NOS1: variants seen among roughly 807,000 people sequenced by gnomAD.
NOS1 encodes NOS type I.
Under a neutral mutation model 164.5 loss-of-function variants are expected in NOS1, and 51 were observed. That is an observed-to-expected ratio of 0.31 (90% CI 0.25 to 0.39). NOS1 has a LOEUF of 0.39. Ranked by LOEUF, NOS1 falls within the 10% of genes least tolerant of loss-of-function variation. NOS1 has a pLI of 1.00. For missense variants in NOS1, 1,362 were observed against 1,885.6 expected (o/e 0.72, Z 5.14); for synonymous variants, 719 against 745.8 (o/e 0.96, Z 0.59).
At chr12:117,341,579 GT>G (rs1876114564) in intron 1 of NOS1, among the ~76,000 whole-genome samples, 1 of 152,160 alleles carries the variant, frequency 6.6e-6, no homozygotes, top group Non-Finnish European at 1.5e-5. Context: ...TGGGGCTAAG[GT>G]TCTTAAGTTC....
chr12:117,322,497 C>T (rs1030529556), intron 2 of NOS1, among the ~76,000 whole-genome samples: 2 of 134,584 alleles, frequency 1.5e-5, no homozygotes, highest in African/African-American at 2.8e-5. Context: ...TTCCTCTCTC[C>T]TTCTTCCCTC....
rs1956566695 is a variant in NOS1, at chr12:117,214,026, C to T, written c.*1283G>A. The T allele has an allele frequency of 3.0e-6, 3 of 985,260 alleles. No homozygotes were observed. Among genetic ancestry groups the T allele is most frequent in the South Asian group, 4.7e-5 (1 of 21,280 alleles). The allele number at this position is 985,260 out of a possible 1,614,324, so 61.0% of individuals were successfully genotyped here. A position where few individuals can be genotyped will look rare whatever the true frequency, so the allele number is the denominator to read the frequency against. ...ACAGGTTTAAAACTTTGGAGATCAA[C>T]TGCAGAGGGCAACAAGCCTGAGGGA... is the stretch of plus-strand genomic sequence containing the variant. On this transcript the variant is annotated 3_prime_UTR_variant, in exon 29 of 29. Coordinates refer to ENST00000317775, the MANE Select transcript of NOS1 (RefSeq NM_000620.5).
intron 4 of NOS1, among the ~76,000 whole-genome samples, chr12:117,289,571 G>T (rs1271467833): frequency 1.3e-5 from 2 of 152,208 alleles, no homozygotes; most frequent in Non-Finnish European, 2.9e-5. Flanking sequence ...GTGCAGGTTT[G>T]TTACATATGT....
At position 117,290,386 on chromosome 12, in the gene NOS1, C is replaced by T; in HGVS notation, c.893G>A (p.Ser298Asn). 6.2e-7 allele frequency: 1 copy of T among 1,613,764 alleles called. No homozygotes were observed. Among genetic ancestry groups the T allele is most frequent in the Non-Finnish European group, 8.5e-7 (1 of 1,179,826 alleles). ...SGKQSPTKNG[S>N]PSKCPRFLKV... ...GAGGAAGCGTGGACACTTGGAGGGG[C>T]TGCCATTCTTTGTGGGGGACTGTTT... is the stretch of plus-strand genomic sequence containing the variant. Residue 298 changes from serine (S) to asparagine (N), a missense_variant, in exon 4 of 29, where the codon AGC becomes AAC. Ser to Asn is a conservative substitution (Grantham distance 46). Transcript: ENST00000317775.
chr12:117,240,941 C>CTTTTTT (rs11398507), intron 20 of NOS1, among the ~76,000 whole-genome samples: 2 of 138,976 alleles, frequency 1.4e-5, no homozygotes, highest in East Asian at 2.1e-4. Context: ...TTTTCTTTTT[C>CTTTTTT]TTTTTTTTTT....
chr12:117,359,879 TATATATATATATATATATATA>T (rs1877044409), intron 1 of NOS1, among the ~76,000 whole-genome samples: 5 of 24,092 alleles, frequency 2.1e-4, no homozygotes, highest in East Asian at 1.0e-3. Flanking sequence ...AATGGTTTTA[TATATATATATATATATATATA>T]TATATATATA....
rs113796648 is a variant in NOS1, at chr12:117,259,858, G to A, written c.2367+607C>T. On this transcript the variant is annotated intron_variant, in intron 14 of 28. Transcript: ENST00000317775. ...GAGCTGGCCGGGTGCGGTGGCTCAC[G>A]CCTGTAATCCCAGCACTTTGGGAGG... is the stretch of plus-strand genomic sequence containing the variant. Among the ~76,000 whole-genome samples the A allele has an allele frequency of 8.6e-5, 13 of 151,876 alleles. 2 individuals are homozygous for A. Among genetic ancestry groups the A allele is most frequent in the African/African-American group, 2.7e-4 (11 of 41,404 alleles).
chr12:117,220,652 G>A (rs1186723755), intron 26 of NOS1, among the ~76,000 whole-genome samples: 2 of 152,162 alleles, frequency 1.3e-5, no homozygotes, highest in Non-Finnish European at 2.9e-5. Flanking sequence ...ATTTCCAGGT[G>A]TGCAGCTGGT....
intron 22 of NOS1, among the ~76,000 whole-genome samples, chr12:117,229,200 TG>T (rs1203951569): frequency 6.6e-6 from 1 of 152,208 alleles, no homozygotes. Context: ...CTCAACTCTT[TG>T]AAACTGACAT....
intron 18 of NOS1, among the ~76,000 whole-genome samples, chr12:117,246,399 G>C (rs1365453770): frequency 6.6e-6 from 1 of 152,156 alleles, no homozygotes; most frequent in Non-Finnish European, 1.5e-5. Context: ...GCCTCCAAAA[G>C]TGCTGGGACA....
chr12:117,347,077 A>G (rs930229335), intron 1 of NOS1, among the ~76,000 whole-genome samples: 3 of 152,164 alleles, frequency 2.0e-5, no homozygotes, highest in African/African-American at 7.2e-5. Context: ...ACTTGAGGTC[A>G]GAAGTTGAAG....
chr12:117,215,356 G>A (rs759147562), intron 28 of NOS1, 32 bp from the exon 29 acceptor site: 5 of 1,505,840 alleles, frequency 3.3e-6, no homozygotes, highest in Non-Finnish European at 4.5e-6. Flanking sequence ...GGCAGTTAGT[G>A]CCCCAAGGGC....
chr12:117,358,355 G>T (rs530531064), intron 1 of NOS1, among the ~76,000 whole-genome samples: 1 of 152,148 alleles, frequency 6.6e-6, no homozygotes, highest in East Asian at 1.9e-4. Flanking sequence ...TCTCCGTGCG[G>T]TCCTTCCCCA....
chr12:117,230,690 A>G (rs1222372049), intron 22 of NOS1, among the ~76,000 whole-genome samples: 1 of 152,150 alleles, frequency 6.6e-6, no homozygotes, highest in East Asian at 1.9e-4. Flanking sequence ...AGGTGATCCC[A>G]GGGTTTCTAA....
intron 2 of NOS1, among the ~76,000 whole-genome samples, chr12:117,323,461 G>C (rs1464185299): frequency 2.6e-5 from 4 of 152,204 alleles, no homozygotes; most frequent in Non-Finnish European, 4.4e-5. Flanking sequence ...ACGAATTTGG[G>C]GTCAAGTCCT....
At chr12:117,295,894 G>A (rs578233414) in intron 3 of NOS1, among the ~76,000 whole-genome samples, 1 of 151,708 alleles carries the variant, frequency 6.6e-6, no homozygotes, top group Admixed American at 6.6e-5. Flanking sequence ...CTCCCAAAGT[G>A]CTAGGATTAC....
intron 1 of NOS1, among the ~76,000 whole-genome samples, chr12:117,354,249 C>A (rs1433134738): frequency 6.7e-6 from 1 of 149,524 alleles, no homozygotes; most frequent in Non-Finnish European, 1.5e-5. Context: ...ATGTTTGTTA[C>A]AAAAATCATC....
rs1422802057 is a variant in NOS1, at chr12:117,232,140, G to T, written c.3236-9C>A. ...CCAGTTACTGATGACACCTGTGGAG[G>T]TACAAGGCAGGTGACAGGTGGGTGT... On this transcript the variant is annotated splice_polypyrimidine_tract_variant and intron_variant, in intron 21 of 28. Coordinates refer to ENST00000317775, the MANE Select transcript of NOS1 (RefSeq NM_000620.5). The T allele has an allele frequency of 3.1e-6, 5 of 1,611,362 alleles. No individual in the cohort carries two copies. Among genetic ancestry groups the T allele is most frequent in the Non-Finnish European group, 4.2e-6 (5 of 1,179,710 alleles).
In NOS1 at chr12:117,234,981, C is replaced by T. The variant is rs577399302; in HGVS notation, c.3042-223G>A. Among the ~76,000 whole-genome samples the T allele has an allele frequency of 6.6e-6, 1 of 151,752 alleles. No individual in the cohort carries two copies. The highest frequency in any genetic ancestry group is 2.4e-5 in the African/African-American group (1 of 41,290). ...TCACCCTGGCTGGAGTGCAGTGGTG[C>T]GATCACGGCTCACTGCAGCCTCTAT... On this transcript the variant is annotated intron_variant, in intron 20 of 28. Transcript: ENST00000317775. This position sits in a 1 kb window ranked among gnomAD's most constrained non-coding sequence, Gnocchi z 4.3.
Sources: gnomAD v4.1 joint callset for allele counts (sites outside exome capture counted in the v4.1 genomes callset) on GRCh38, gnomAD v4.1.1 for gene constraint, Gnocchi (gnomAD v3.1) non-coding constraint, MANE v1.5 for transcripts, NCBI Gene and HGNC (gene_info 2026-07-23, HGNC 2026-07-21) for gene names.